Variants in AFAP1L1 observed in about 807,000 individuals in gnomAD.
AFAP1L1 encodes the protein actin filament associated protein 1 like 1.
Under a neutral mutation model 99.8 loss-of-function variants are expected in AFAP1L1, and 77 were observed. The ratio of observed to expected loss-of-function variants is 0.77; its 90% CI spans 0.64 to 0.93. The LOEUF (loss-of-function observed/expected upper bound fraction) is 0.93. AFAP1L1 is among the 40% of genes least tolerant of loss of function. The pLI is 0.00. For missense variants in AFAP1L1, 893 were observed against 996.8 expected (o/e 0.90, Z 1.40); for synonymous variants, 373 against 395.3 (o/e 0.94, Z 0.67).
At chr5:149,288,108 T>C (rs895981612) in intron 1 of AFAP1L1, among the ~76,000 whole-genome samples, 1 of 152,190 alleles carries the variant, frequency 6.6e-6, no homozygotes, top group South Asian at 2.1e-4. Flanking sequence ...CACCTAGGCC[T>C]CAGGCCAGAC....
intron 5 of AFAP1L1, among the ~76,000 whole-genome samples, chr5:149,303,051 G>T (rs1205443066): frequency 6.6e-6 from 1 of 152,006 alleles, no homozygotes; most frequent in East Asian, 1.9e-4. Flanking sequence ...GGTACCCAGG[G>T]GTTCATAACA....
chr5:149,292,431 CAT>C (rs1170839319), intron 1 of AFAP1L1, among the ~76,000 whole-genome samples: 2 of 152,132 alleles, frequency 1.3e-5, no homozygotes, highest in East Asian at 3.9e-4. Context: ...TGATTTCAGT[CAT>C]GTGGGGAGGA....
At chr5:149,287,101 T>C (rs1755706449) in intron 1 of AFAP1L1, among the ~76,000 whole-genome samples, 1 of 152,146 alleles carries the variant, frequency 6.6e-6, no homozygotes, top group African/African-American at 2.4e-5. Context: ...ACAGAGAATA[T>C]TCCTACAATG....
intron 1 of AFAP1L1, among the ~76,000 whole-genome samples, chr5:149,294,591 CT>C (rs1755962058): frequency 6.6e-6 from 1 of 152,166 alleles, no homozygotes; most frequent in South Asian, 2.1e-4. Flanking sequence ...CAGGTATTTG[CT>C]TTCAGTGGTC....
At chr5:149,309,875 C>A (rs1462613343) in intron 7 of AFAP1L1, 81 bp from the exon 8 acceptor site, 1 of 1,583,916 alleles carries the variant, frequency 6.3e-7, no homozygotes. Flanking sequence ...GGTCGGGCTT[C>A]CCCCGAGCCT....
intron 1 of AFAP1L1, among the ~76,000 whole-genome samples, chr5:149,285,490 A>G (rs1320893660): frequency 6.6e-6 from 1 of 152,128 alleles, no homozygotes; most frequent in Non-Finnish European, 1.5e-5. Context: ...AGGCTTGGTG[A>G]AATGATGAAA....
At chr5:149,328,566 T>C (rs1757157940) in intron 15 of AFAP1L1, among the ~76,000 whole-genome samples, 1 of 152,172 alleles carries the variant, frequency 6.6e-6, no homozygotes, top group African/African-American at 2.4e-5. Flanking sequence ...CCCAGCACTT[T>C]GGGAGGCTGA....
At position 149,312,828 on chromosome 5, in the gene AFAP1L1, GAGAA is replaced by G. The variant is rs1756678694; in HGVS notation, c.1020+628_1020+631del. Among the ~76,000 whole-genome samples, 3 of 151,494 alleles carry G rather than the reference GAGAA, an allele frequency of 2.0e-5. 1 individual carries two copies. In the South Asian group the frequency reaches 6.3e-4, roughly 32 times the overall value. Reference sequence around the variant, plus strand: ...AAAGAGAGAGAGAGAAAGAAAGAAAGAGAAAGAGAAGGAGTAGGCCGGGCGCAGT... The same window carrying G: ...AAAGAGAGAGAGAGAAAGAAAGAAAGAGAGAAGGAGTAGGCCGGGCGCAGT... On this transcript the variant is annotated intron_variant, in intron 9 of 18. Coordinates refer to ENST00000296721, the MANE Select transcript of AFAP1L1 (RefSeq NM_152406.4).
chr5:149,333,544 G>A (rs1436051463), intron 17 of AFAP1L1, among the ~76,000 whole-genome samples: 4 of 152,158 alleles, frequency 2.6e-5, no homozygotes, highest in African/African-American at 9.7e-5. Flanking sequence ...AGGAAGATAC[G>A]CTCACCTCCA....
chr5:149,291,987 A>T (rs560088797), intron 1 of AFAP1L1, among the ~76,000 whole-genome samples: 1 of 152,366 alleles, frequency 6.6e-6, no homozygotes, highest in Admixed American at 6.5e-5. Context: ...TATCTTTGTG[A>T]TCTCTGTAAA....
intron 2 of AFAP1L1, among the ~76,000 whole-genome samples, 150 bp from the exon 3 acceptor site, chr5:149,300,117 AAAAC>A (rs1581309652): frequency 6.6e-6 from 1 of 152,354 alleles, no homozygotes; most frequent in East Asian, 1.9e-4. Flanking sequence ...TGTAAAAACT[AAAAC>A]AAAGTTTGAA....
At chr5:149,321,085 G>A (rs996792258) in intron 14 of AFAP1L1, among the ~76,000 whole-genome samples, 1 of 152,198 alleles carries the variant, frequency 6.6e-6, no homozygotes, top group Non-Finnish European at 1.5e-5. Flanking sequence ...GCAGGAGAGA[G>A]AGGCAATTAA....
At chr5:149,288,966 C>A (rs1044821667) in intron 1 of AFAP1L1, among the ~76,000 whole-genome samples, 5 of 152,206 alleles carry the variant, frequency 3.3e-5, no homozygotes, top group African/African-American at 1.2e-4. Flanking sequence ...TCCATGACCA[C>A]CCTGTCTTCC....
chr5:149,283,117 C>G (rs1426382733), intron 1 of AFAP1L1, among the ~76,000 whole-genome samples: 1 of 152,216 alleles, frequency 6.6e-6, no homozygotes, highest in Non-Finnish European at 1.5e-5. Context: ...GATTCTACAA[C>G]TGGGGAAACA....
At chr5:149,275,135 T>G (rs1032097184) in intron 1 of AFAP1L1, among the ~76,000 whole-genome samples, 1 of 152,202 alleles carries the variant, frequency 6.6e-6, no homozygotes, top group African/African-American at 2.4e-5. Flanking sequence ...CAGCTTCTTA[T>G]GTGGCTCCTC....
chr5:149,309,476 T>C (rs1041722963), intron 7 of AFAP1L1, among the ~76,000 whole-genome samples: 3 of 152,206 alleles, frequency 2.0e-5, no homozygotes, highest in African/African-American at 7.2e-5. Context: ...TATAATTTTC[T>C]CTTTTCGTAA....
intron 1 of AFAP1L1, among the ~76,000 whole-genome samples, chr5:149,286,771 G>A (rs1755695908): frequency 6.6e-6 from 1 of 152,136 alleles, no homozygotes; most frequent in South Asian, 2.1e-4. Flanking sequence ...AGGTAGGGAG[G>A]GCAGTTATGA....
intron 16 of AFAP1L1, among the ~76,000 whole-genome samples, chr5:149,331,839 T>C (rs971421661): frequency 1.8e-4 from 27 of 152,260 alleles, no homozygotes; most frequent in African/African-American, 6.0e-4. Context: ...CTCATGCTTC[T>C]ACCCTTCTCT....
chr5:149,278,202 G>T lies in AFAP1L1; in HGVS notation c.16+6218G>T, dbSNP rs76362928. On this transcript the variant is annotated intron_variant, in intron 1 of 18. Transcript: ENST00000296721. ...CAAACAAAAAAGTGAACCCATCTGT[G>T]TGCAACACCCCCACCAAACCCCAGC... 3.4e-3 allele frequency among the ~76,000 whole-genome samples: 522 copies of T among 152,210 alleles called. 5 individuals are homozygous for T. Among genetic ancestry groups the T allele is most frequent in the African/African-American group, 0.012 (489 of 41,524 alleles).
Sources: gnomAD v4.1 joint callset for allele counts (sites outside exome capture counted in the v4.1 genomes callset) on GRCh38, gnomAD v4.1.1 for gene constraint, MANE v1.5 for transcripts, NCBI Gene and HGNC (gene_info 2026-07-23, HGNC 2026-07-21) for gene names.